The following KCNMB2 variants were observed in gnomAD, a reference collection of about 807,000 sequenced individuals.
The protein encoded by KCNMB2 is potassium calcium-activated channel subfamily M regulatory beta subunit 2, also known as calcium-activated potassium channel subunit beta-2.
A neutral mutation model predicts 24.5 loss-of-function variants in KCNMB2; 9 were observed. The observed-to-expected ratio is 0.37, with a 90% confidence interval of 0.22 to 0.64. The LOEUF is 0.64. Ranked by LOEUF, KCNMB2 falls within the 30% of genes least tolerant of loss-of-function variation. The pLI, the probability that KCNMB2 is intolerant of heterozygous loss-of-function variation, is 0.63. For missense variants in KCNMB2, 226 were observed against 284.3 expected (o/e 0.79, Z 1.47); for synonymous variants, 109 against 104.4 (o/e 1.04, Z -0.27).
At chr3:178,630,820 T>C (rs547050753) in intron 1 of KCNMB2, among the ~76,000 whole-genome samples, 1 of 152,304 alleles carries the variant, frequency 6.6e-6, no homozygotes, top group South Asian at 2.1e-4. Context: ...AAATGTTTCA[T>C]TCACTAGTGG....
chr3:178,635,081 G>C (rs554369857), intron 1 of KCNMB2, among the ~76,000 whole-genome samples: 134 of 152,202 alleles, frequency 8.8e-4, no homozygotes, highest in Non-Finnish European at 1.7e-3. Context: ...GGCATAGCAG[G>C]GGGCAGCACC....
At chr3:178,672,592 G>A (rs983245147) in intron 1 of KCNMB2, among the ~76,000 whole-genome samples, 11 of 152,146 alleles carry the variant, frequency 7.2e-5, no homozygotes, top group Admixed American at 1.3e-4. Flanking sequence ...GAAATGCAGC[G>A]GAGAGGCACC....
chr3:178,583,544 A>T (rs71308195), intron 1 of KCNMB2, among the ~76,000 whole-genome samples: 7,170 of 152,298 alleles, frequency 0.047, 228 homozygotes, highest in Non-Finnish European at 0.071. Flanking sequence ...ATATAAAAAC[A>T]ATAACTGTTT....
intron 1 of KCNMB2, among the ~76,000 whole-genome samples, chr3:178,622,413 C>T (rs1187669918): frequency 6.6e-6 from 1 of 152,146 alleles, no homozygotes; most frequent in East Asian, 1.9e-4. Context: ...ATTTTAACCA[C>T]AAAGTCAAAG....
rs1721961772 is a variant in KCNMB2, at chr3:178,698,459, C to T, written c.-67-108884C>T. The stretch of plus-strand genomic sequence containing the variant: ...TTATTAAATTCTTGTGTTTTTTAGC[C>T]CTATCTGGTCAGTTACATTCTTATT... On this transcript the variant is annotated intron_variant, in intron 1 of 4. Transcript: ENST00000452583. Among the ~76,000 whole-genome samples, 3 of 152,082 alleles carry T rather than the reference C, an allele frequency of 2.0e-5. No individual in the cohort carries two copies. In the South Asian group the frequency reaches 6.2e-4, roughly 31 times the overall value.
At chr3:178,588,968 A>T (rs1345643192) in intron 1 of KCNMB2, among the ~76,000 whole-genome samples, 1 of 152,264 alleles carries the variant, frequency 6.6e-6, no homozygotes, top group East Asian at 1.9e-4. Context: ...ACAGCTATTA[A>T]GTGGTTTAAC....
intron 2 of KCNMB2, among the ~76,000 whole-genome samples, chr3:178,817,645 G>C (rs1309316427): frequency 6.6e-6 from 1 of 152,170 alleles, no homozygotes; most frequent in South Asian, 2.1e-4. Flanking sequence ...CTAAGTCTGG[G>C]AACTAGAGGG....
At chr3:178,838,490 G>A (rs1420023481) in intron 4 of KCNMB2, among the ~76,000 whole-genome samples, 1 of 151,300 alleles carries the variant, frequency 6.6e-6, no homozygotes, top group African/African-American at 2.4e-5. Context: ...ATAAATGCCA[G>A]CATGCTCATC....
rs1560006820 is a variant in KCNMB2 at position 178,758,241 on chromosome 3, GATATATATATATATCTCCAAGGGGAT to G, written c.-67-49063_-67-49038del. 3.2e-3 allele frequency among the ~76,000 whole-genome samples: 14 copies of G among 4,424 alleles called. 1 individual carries two copies. The highest frequency in any genetic ancestry group is 9.3e-3 in the South Asian group (1 of 108). 2.9% of individuals were successfully genotyped at this position (4,424 alleles called of 152,430 possible). On this transcript the variant is annotated intron_variant, in intron 1 of 4. Coordinates refer to ENST00000452583, the MANE Select transcript of KCNMB2 (RefSeq NM_181361.3). ...ATATATATATATATATATCCAAGGG[GATATATATATATATCTCCAAGGGGAT>G]ATATATATATATATCTCCAAGGGGA...
At chr3:178,625,420 C>A (rs1203802175) in intron 1 of KCNMB2, among the ~76,000 whole-genome samples, 1 of 152,198 alleles carries the variant, frequency 6.6e-6, no homozygotes, top group Non-Finnish European at 1.5e-5. Context: ...CGCCCCTAGG[C>A]CTTCACCAGG....
In KCNMB2 at chr3:178,754,177, T is replaced by TATATACAC. The variant is rs1435109631; in HGVS notation, c.-67-53165_-67-53164insTATACACA. Among the ~76,000 whole-genome samples the TATATACAC allele has an allele frequency of 9.9e-3, 1,163 of 117,082 alleles. 14 individuals carry two copies. The highest frequency in any genetic ancestry group is 0.021 in the African/African-American group (576 of 26,858). The allele number at this position is 117,082 out of a possible 152,430, so 76.8% of individuals were successfully genotyped here. A position where few individuals can be genotyped will look rare whatever the true frequency, so the allele number is the denominator to read the frequency against. ...ATATATATATATATATATATATATA[T>TATATACAC]ACACACACACACACATACATATATA... On this transcript the variant is annotated intron_variant, in intron 1 of 4. Transcript: ENST00000452583.
chr3:178,677,102 C>A (rs1721095995), intron 1 of KCNMB2, among the ~76,000 whole-genome samples: 1 of 152,148 alleles, frequency 6.6e-6, no homozygotes, highest in Admixed American at 6.5e-5. Flanking sequence ...TCTTCTTCAG[C>A]CCAACTTTCA....
rs1718578690 is a variant in KCNMB2 at position 178,613,723 on chromosome 3, TTC to T, written c.-68+77014_-68+77015del. Among the ~76,000 whole-genome samples the T allele has an allele frequency of 5.3e-5, 8 of 152,316 alleles. No individual in the cohort carries two copies. In the South Asian group the frequency reaches 1.4e-3, roughly 28 times the overall value. Reference sequence around the variant, plus strand: ...TGGAGCTCCATTATATGTTATTTGTTTCTGTCTTCTTGATGCTTTTATAATCC... The same window carrying T: ...TGGAGCTCCATTATATGTTATTTGTTTGTCTTCTTGATGCTTTTATAATCC... On this transcript the variant is annotated intron_variant, in intron 1 of 4. Transcript: ENST00000452583.
intron 1 of KCNMB2, among the ~76,000 whole-genome samples, chr3:178,687,451 A>G (rs527392661): frequency 2.0e-5 from 3 of 152,126 alleles, no homozygotes; most frequent in East Asian, 1.9e-4. Context: ...TTAAACAAAG[A>G]CTTTTGCAAA....
In KCNMB2 at chr3:178,682,131, G is replaced by A. The variant is rs554601639; in HGVS notation, c.-67-125212G>A. 1.6e-3 allele frequency among the ~76,000 whole-genome samples: 241 copies of A among 152,290 alleles called. 3 individuals carry two copies. Among genetic ancestry groups the A allele is most frequent in the Middle Eastern group, 3.4e-3 (1 of 294 alleles). Reference sequence around the variant, plus strand: ...CTCCACTTCCCTGGTCAAGTGGAAGGACATGGAGTATACATGAGTTTGAAC... The same window carrying A: ...CTCCACTTCCCTGGTCAAGTGGAAGAACATGGAGTATACATGAGTTTGAAC... On this transcript the variant is annotated intron_variant, in intron 1 of 4. Transcript: ENST00000452583.
intron 1 of KCNMB2, among the ~76,000 whole-genome samples, chr3:178,706,459 A>G (rs1722280883): frequency 6.6e-6 from 1 of 152,110 alleles, no homozygotes. Flanking sequence ...TGGAGCATTT[A>G]GAAGGTCCAC....
intron 1 of KCNMB2, among the ~76,000 whole-genome samples, chr3:178,674,204 A>C (rs1309616289): frequency 6.6e-6 from 1 of 150,722 alleles, no homozygotes; most frequent in African/African-American, 2.4e-5. Flanking sequence ...TTCTCTTTCT[A>C]CACTCACTCC....
chr3:178,629,432 C>T (rs1173119738), intron 1 of KCNMB2, among the ~76,000 whole-genome samples: 5 of 152,110 alleles, frequency 3.3e-5, no homozygotes, highest in Non-Finnish European at 7.4e-5. Context: ...GTCTGAGGCG[C>T]TGGGTAAAGT....
At chr3:178,788,222 G>C (rs942923477) in intron 1 of KCNMB2, among the ~76,000 whole-genome samples, 1 of 152,134 alleles carries the variant, frequency 6.6e-6, no homozygotes, top group Non-Finnish European at 1.5e-5. Flanking sequence ...GTGTATGCGT[G>C]ATGCCCAACA....
Sources: gnomAD v4.1 joint callset for allele counts (sites outside exome capture counted in the v4.1 genomes callset) on GRCh38, gnomAD v4.1.1 for gene constraint, MANE v1.5 for transcripts, NCBI Gene and HGNC (gene_info 2026-07-23, HGNC 2026-07-21) for gene names.